Variants in LIMK2 observed in about 807,000 individuals in gnomAD.
LIMK2 encodes the protein LIM domain kinase 2.
LIMK2 carries 35 observed loss-of-function variants against 75.7 expected under a neutral mutation model. That is an observed-to-expected ratio of 0.46 (90% confidence interval 0.35 to 0.61). LIMK2 has a LOEUF of 0.61. Ranked by LOEUF, LIMK2 falls within the 20% of genes least tolerant of loss-of-function variation. The probability of loss-of-function intolerance (pLI) is 0.00; values close to 1 mark genes in which losing one functional copy is unlikely to be tolerated. For missense variants in LIMK2, 623 were observed against 831.0 expected (o/e 0.75, Z 3.08); for synonymous variants, 301 against 319.2 (o/e 0.94, Z 0.61).
intron 2 of LIMK2, among the ~76,000 whole-genome samples, chr22:31,228,350 C>T (rs1423958861): frequency 1.3e-5 from 2 of 151,882 alleles, no homozygotes; most frequent in Non-Finnish European, 2.9e-5. Context: ...ATCCGGGAAG[C>T]AGAAGTTGCA....
rs534989577 is a variant in LIMK2, at chr22:31,247,482, T to A, written c.117-10809T>A. Among the ~76,000 whole-genome samples, 11 of 152,300 alleles carry A rather than the reference T, an allele frequency of 7.2e-5. No individual in the cohort carries two copies. In the South Asian group the frequency reaches 2.3e-3, roughly 32 times the overall value. On this transcript the variant is annotated intron_variant, in intron 2 of 15. Transcript: ENST00000331728. The stretch of plus-strand genomic sequence containing the variant: ...TCCACTGTCCACTGAGGCCAATGGA[T>A]GGTGTTCTGCATGTGAACACTCAGT...
At chr22:31,220,579 T>C (rs927167001) in intron 1 of LIMK2, among the ~76,000 whole-genome samples, 1 of 152,172 alleles carries the variant, frequency 6.6e-6, no homozygotes, top group African/African-American at 2.4e-5. Flanking sequence ...TGCAGTGAAC[T>C]GTAATTAAAT....
chr22:31,215,642 T>A (rs930968322), intron 1 of LIMK2, among the ~76,000 whole-genome samples: 1 of 152,152 alleles, frequency 6.6e-6, no homozygotes, highest in Non-Finnish European at 1.5e-5. Context: ...CCTTAATAAG[T>A]ATTTGTGGAA....
chr22:31,258,500 C>T, intron 3 of LIMK2, 74 bp downstream of exon 3: 1 of 1,493,360 alleles, frequency 6.7e-7, no homozygotes, highest in Non-Finnish European at 9.2e-7. Flanking sequence ...TCCCTGTGGC[C>T]TGTTAATCTT....
intron 15 of LIMK2, chr22:31,276,945 C>T (rs751892476): frequency 2.5e-6 from 4 of 1,613,860 alleles, no homozygotes; most frequent in Admixed American, 1.7e-5. Flanking sequence ...CGCGCCTCTA[C>T]GACTGCCAGG....
intron 2 of LIMK2, among the ~76,000 whole-genome samples, chr22:31,242,648 C>G (rs1408788168): frequency 6.6e-6 from 1 of 152,210 alleles, no homozygotes; most frequent in Non-Finnish European, 1.5e-5. Context: ...GTTTCAAGTT[C>G]ATGAACTGTA....
At position 31,272,537 on chromosome 22, in the gene LIMK2, C is replaced by G. The variant is rs143007905; in HGVS notation, c.1391C>G (p.Thr464Ser). ...TGTCTTTTATCCTACCAGGACAAGA[C>G]TGTGGTGGTGGCAGACTTTGGGCTG... The part of the protein sequence containing the change: ...SHNCLIKLDK[T>S]VVVADFGLSR... Residue 464 changes from threonine (T) to serine (S), a missense_variant, in exon 13 of 16, where the codon ACT becomes AGT. Physicochemically the swap from Thr to Ser is moderately conservative, Grantham distance 58. Around this residue, in one of 3 missense-constraint regions of LIMK2, gnomAD observed 514 missense variants for 661.3 expected, o/e 0.78. Transcript: ENST00000331728. 1.1e-5 allele frequency: 17 copies of G among 1,612,232 alleles called. No individual in the cohort carries two copies. The highest frequency in any genetic ancestry group is 1.4e-5 in the Non-Finnish European group (17 of 1,179,414).
chr22:31,275,613 GT>G, intron 15 of LIMK2: 3 of 283,840 alleles, frequency 1.1e-5, no homozygotes, highest in South Asian at 1.4e-4. Flanking sequence ...ATATTCCCCT[GT>G]CCATATCTAC....
At chr22:31,270,558 G>GT (rs1211882763) in intron 11 of LIMK2, among the ~76,000 whole-genome samples, 9 of 152,204 alleles carry the variant, frequency 5.9e-5, no homozygotes, top group Non-Finnish European at 1.3e-4. Flanking sequence ...GTAAGAGTCA[G>GT]TGGTGGAGGC....
chr22:31,257,934 C>T (rs565448302), intron 2 of LIMK2, among the ~76,000 whole-genome samples: 1 of 152,152 alleles, frequency 6.6e-6, no homozygotes, highest in Non-Finnish European at 1.5e-5. Context: ...TCAGAGAATC[C>T]TTTATATATA....
chr22:31,270,199 G>A (rs112399056), intron 11 of LIMK2, among the ~76,000 whole-genome samples: 2 of 152,200 alleles, frequency 1.3e-5, no homozygotes, highest in East Asian at 3.8e-4. Flanking sequence ...GGCAGCTGGA[G>A]CTGTGGGACA....
intron 15 of LIMK2, chr22:31,277,009 A>G (rs759178690): frequency 6.2e-7 from 1 of 1,613,764 alleles, no homozygotes; most frequent in African/African-American, 1.3e-5. Flanking sequence ...GGACATGGAG[A>G]GTGACGATGC....
rs922454537 is a variant in LIMK2, at chr22:31,225,944, A to C, written c.116+125A>C. The C allele has an allele frequency of 4.0e-6, 3 of 759,284 alleles. No homozygotes were observed. The African/African-American group carries it at 5.3e-5, about 13-fold the overall frequency. 47.0% of individuals were successfully genotyped at this position (759,284 alleles called of 1,614,324 possible). ...TTTCAATCTTAGGGTGGGGAAAGGA[A>C]TGTACCAAGGAAGAGCTCATGACCA... On this transcript the variant is annotated intron_variant, in intron 2 of 15. Transcript: ENST00000331728.
intron 14 of LIMK2, among the ~76,000 whole-genome samples, chr22:31,274,259 C>T (rs1011440548): frequency 2.0e-5 from 3 of 152,018 alleles, no homozygotes; most frequent in Non-Finnish European, 4.4e-5. Flanking sequence ...AAGATTCCTA[C>T]CTTTAGGAGT....
intron 2 of LIMK2, among the ~76,000 whole-genome samples, chr22:31,253,532 G>A (rs1018166055): frequency 6.6e-6 from 1 of 152,244 alleles, no homozygotes; most frequent in Admixed American, 6.5e-5. Context: ...GCATCACGAA[G>A]TGTTAACACT....
At position 31,273,311 on chromosome 22, in the gene LIMK2, C is replaced by T. The variant is rs961948351; in HGVS notation, c.1559-141C>T. ...AGGAAGGACTATTTTCAGGTGGTGT[C>T]TGCGCAGGACAGCCTGTGGGGTGTC... is the stretch of plus-strand genomic sequence containing the variant. On this transcript the variant is annotated intron_variant, in intron 13 of 15. Coordinates refer to ENST00000331728, the MANE Select transcript of LIMK2 (RefSeq NM_005569.4). 5.6e-6 allele frequency: 4 copies of T among 720,334 alleles called. No individual in the cohort carries two copies. The African/African-American group carries it at 7.0e-5, about 13-fold the overall frequency. 44.6% of individuals were successfully genotyped at this position (720,334 alleles called of 1,614,324 possible).
At chr22:31,271,316 C>T in intron 12 of LIMK2, 115 bp downstream of exon 12, 1 of 861,818 alleles carries the variant, frequency 1.2e-6, no homozygotes, top group South Asian at 1.4e-5. Flanking sequence ...TGCCTAGGAG[C>T]TCCTATCTTT....
At chr22:31,259,865 T>C (rs970891952) in intron 4 of LIMK2, 24 bp from the exon 5 acceptor site, 4 of 1,584,192 alleles carry the variant, frequency 2.5e-6, no homozygotes, top group Non-Finnish European at 3.4e-6. Flanking sequence ...TAGCATCTTA[T>C]TCCCCCCTGT....
chr22:31,272,787 G>T (rs1190080073), intron 13 of LIMK2, 83 bp downstream of exon 13: 20 of 1,494,408 alleles, frequency 1.3e-5, no homozygotes, highest in African/African-American at 2.8e-5. Context: ...AATTCCAGGG[G>T]AGGCCTGTGA....
Sources: allele counts gnomAD v4.1 joint callset (sites outside exome capture counted in the v4.1 genomes callset), GRCh38; gene constraint gnomAD v4.1.1; regional missense constraint gnomAD v4.1.1; transcripts MANE v1.5; gene names NCBI Gene and HGNC (gene_info 2026-07-23, HGNC 2026-07-21).